XPO6: variants seen among roughly 807,000 people sequenced by gnomAD.
XPO6 encodes the protein exportin 6, also known as exportin-6.
In XPO6, 3 loss-of-function variants were observed where a neutral mutation model predicts 130.0. That is an observed-to-expected ratio of 0.02 (90% CI 0.01 to 0.06). The LOEUF (loss-of-function observed/expected upper bound fraction) is 0.06, where lower values mean the gene tolerates loss of function less well. XPO6 is among the 10% of genes least tolerant of loss of function. The pLI is 1.00. For synonymous variants in XPO6, 524 were observed against 548.9 expected (o/e 0.95, Z 0.63); for missense variants, 970 against 1,393.0 (o/e 0.70, Z 4.83).
At chr16:28,149,131 C>T (rs2043040854) in intron 8 of XPO6, among the ~76,000 whole-genome samples, 1 of 150,226 alleles carries the variant, frequency 6.7e-6, no homozygotes, top group Admixed American at 6.6e-5. Context: ...CCAGGGTATA[C>T]CATCTCAGGC....
chr16:28,169,531 C>T (rs542497822), intron 5 of XPO6, among the ~76,000 whole-genome samples: 1 of 152,196 alleles, frequency 6.6e-6, no homozygotes, highest in Non-Finnish European at 1.5e-5. Context: ...ACAGTGAAGA[C>T]CACTTCGTGA....
chr16:28,168,010 T>C (rs1447007917), intron 5 of XPO6, among the ~76,000 whole-genome samples: 2 of 152,014 alleles, frequency 1.3e-5, no homozygotes, highest in Non-Finnish European at 2.9e-5. Context: ...TGGAATTAGA[T>C]AGCGGTGAAG....
intron 1 of XPO6, among the ~76,000 whole-genome samples, chr16:28,203,728 A>T (rs1009909658): frequency 1.3e-5 from 2 of 152,042 alleles, no homozygotes; most frequent in African/African-American, 4.8e-5. Flanking sequence ...CTTCTTCCTC[A>T]TCTCTTAACT....
intron 1 of XPO6, among the ~76,000 whole-genome samples, chr16:28,207,479 T>C (rs2044051461): frequency 1.3e-5 from 2 of 152,200 alleles, no homozygotes; most frequent in Non-Finnish European, 2.9e-5. Flanking sequence ...AAAAATGATT[T>C]AATCAAATAC....
At chr16:28,164,022 T>C (rs2043318471) in intron 6 of XPO6, among the ~76,000 whole-genome samples, 1 of 152,162 alleles carries the variant, frequency 6.6e-6, no homozygotes, top group Non-Finnish European at 1.5e-5. Context: ...TCCTTCAAAC[T>C]TTTTTCTACA....
In XPO6 at chr16:28,106,245, C is replaced by T. The variant is rs201925639; in HGVS notation, c.2613-31G>A. The T allele has an allele frequency of 9.9e-6, 16 of 1,610,308 alleles. No homozygotes were observed. The highest frequency in any genetic ancestry group is 1.2e-5 in the Non-Finnish European group (14 of 1,177,086). On this transcript the variant is annotated intron_variant, in intron 19 of 23. Transcript: ENST00000304658. This position sits in a 1 kb window ranked among gnomAD's most constrained non-coding sequence, Gnocchi z 4.2. Reference sequence around the variant, plus strand: ...GAGGAGAAAGCCACACAGTGAGCAACCACATGTTTCTCTGGGGGCCAGCAT... The same window carrying T: ...GAGGAGAAAGCCACACAGTGAGCAATCACATGTTTCTCTGGGGGCCAGCAT...
chr16:28,148,386 T>C (rs1170030252), intron 8 of XPO6, among the ~76,000 whole-genome samples: 1 of 152,208 alleles, frequency 6.6e-6, no homozygotes, highest in Non-Finnish European at 1.5e-5. Flanking sequence ...ATAGTTGCTG[T>C]GGACATGGTT....
At chr16:28,147,434 G>A (rs1338188587) in intron 8 of XPO6, among the ~76,000 whole-genome samples, 1 of 43,644 alleles carries the variant, frequency 2.3e-5, no homozygotes, top group African/African-American at 4.8e-5. Context: ...GAAAGGAAAG[G>A]AAGAAAAAGA....
intron 18 of XPO6, 136 bp downstream of exon 18, chr16:28,107,386 C>G: frequency 9.4e-7 from 1 of 1,060,714 alleles, no homozygotes; most frequent in Non-Finnish European, 1.4e-6. Context: ...TGCCCTTTCC[C>G]CTCAGTACCG....
chr16:28,125,882 G>C, intron 12 of XPO6, 34 bp from the exon 13 acceptor site: 18 of 1,602,244 alleles, frequency 1.1e-5, no homozygotes, highest in Non-Finnish European at 1.5e-5. Context: ...TTTTTCACAG[G>C]AAGACCACGC....
chr16:28,194,036 C>G (rs768137987), intron 1 of XPO6, among the ~76,000 whole-genome samples: 6 of 152,114 alleles, frequency 3.9e-5, no homozygotes, highest in Non-Finnish European at 8.8e-5. Flanking sequence ...GATTACTTAT[C>G]TGCTTGCCCC....
At chr16:28,137,674 T>C (rs919720553) in intron 9 of XPO6, among the ~76,000 whole-genome samples, 2 of 152,156 alleles carry the variant, frequency 1.3e-5, no homozygotes, top group South Asian at 4.1e-4. Flanking sequence ...ATTTAACCTA[T>C]GCCAAAATTG....
chr16:28,168,999 T>C (rs2043406837), intron 5 of XPO6, among the ~76,000 whole-genome samples: 1 of 152,132 alleles, frequency 6.6e-6, no homozygotes, highest in Non-Finnish European at 1.5e-5. Context: ...ATAAAGAAAG[T>C]TCCTAGACAT....
At chr16:28,116,318 C>T (rs2087053513) in intron 15 of XPO6, among the ~76,000 whole-genome samples, 1 of 152,092 alleles carries the variant, frequency 6.6e-6, no homozygotes, top group South Asian at 2.1e-4. Flanking sequence ...AAAAATTAGC[C>T]AGGCAAGGCG....
intron 21 of XPO6, among the ~76,000 whole-genome samples, chr16:28,103,666 A>C (rs1225067755): frequency 6.6e-6 from 1 of 152,182 alleles, no homozygotes. Context: ...AGAGAAAGGC[A>C]GGGGAGGCGC....
Position 28,176,057 on chromosome 16 carries a change from C to A in XPO6, c.246G>T (p.Gln82His), listed in dbSNP as rs751143622. ...GACAGCTACGGATTTCCATCTTATC[C>A]TGAGATGGGACCCCAAGCCACATTT... ...INKMWLGVPSQDKMEIRSCLP... is the reference protein window; with the variant it reads ...INKMWLGVPSHDKMEIRSCLP... Residue 82 changes from glutamine to histidine, a missense_variant, in exon 4 of 24, where the codon CAG (glutamine) becomes CAT (histidine). Physicochemically the swap from Gln to His is conservative, Grantham distance 24. Around this residue, in one of 4 missense-constraint regions of XPO6, gnomAD observed 936 missense variants for 1,306.8 expected, o/e 0.72. Transcript: ENST00000304658. The A allele has an allele frequency of 2.5e-6, 4 of 1,614,154 alleles. No homozygotes were observed. Among genetic ancestry groups the A allele is most frequent in the Non-Finnish European group, 2.5e-6 (3 of 1,180,018 alleles).
intron 14 of XPO6, among the ~76,000 whole-genome samples, chr16:28,119,733 T>C (rs1050324425): frequency 1.3e-5 from 2 of 152,230 alleles, no homozygotes; most frequent in African/African-American, 4.8e-5. Flanking sequence ...GATGACATTA[T>C]TGTATGTATT....
chr16:28,175,615 T>C (rs2043521939), intron 4 of XPO6, among the ~76,000 whole-genome samples: 1 of 152,242 alleles, frequency 6.6e-6, no homozygotes. Flanking sequence ...CTCACCCTTG[T>C]ACCCCCAACA....
chr16:28,148,049 C>T (rs1235895173), intron 8 of XPO6, among the ~76,000 whole-genome samples: 1 of 152,202 alleles, frequency 6.6e-6, no homozygotes, highest in African/African-American at 2.4e-5. Context: ...GAGCTTCCCT[C>T]AAGTCAATCA....
Sources: allele counts gnomAD v4.1 joint callset (sites outside exome capture counted in the v4.1 genomes callset), GRCh38; gene constraint gnomAD v4.1.1; regional missense constraint gnomAD v4.1.1; non-coding constraint Gnocchi (gnomAD v3.1); transcripts MANE v1.5; gene names NCBI Gene and HGNC (gene_info 2026-07-23, HGNC 2026-07-21).